The following DSCAM variants were observed in gnomAD, a reference collection of about 807,000 sequenced individuals.
DSCAM encodes the protein cell adhesion molecule DSCAM.
In DSCAM, 47 loss-of-function variants were observed where a neutral mutation model predicts 217.7. The ratio of observed to expected loss-of-function variants is 0.22; its 90% CI spans 0.17 to 0.28. The LOEUF (loss-of-function observed/expected upper bound fraction) is 0.28. Ranked by LOEUF, DSCAM falls within the 10% of genes least tolerant of loss-of-function variation. The pLI, the probability that DSCAM is intolerant of heterozygous loss-of-function variation, is 1.00. For synonymous variants in DSCAM, 1,056 were observed against 1,015.3 expected (o/e 1.04, Z -0.76); for missense variants, 2,080 against 2,618.3 (o/e 0.79, Z 4.49).
At chr21:40,638,037 C>T (rs2089830180) in intron 3 of DSCAM, among the ~76,000 whole-genome samples, 1 of 151,976 alleles carries the variant, frequency 6.6e-6, no homozygotes, top group Non-Finnish European at 1.5e-5. Context: ...ATGATATCAG[C>T]ATTTTAGGCA....
At chr21:40,688,395 T>C (rs1439677747) in intron 3 of DSCAM, among the ~76,000 whole-genome samples, 1 of 152,200 alleles carries the variant, frequency 6.6e-6, no homozygotes, top group African/African-American at 2.4e-5. Context: ...TATTGTTTTT[T>C]TCCAGGATGG....
intron 1 of DSCAM, among the ~76,000 whole-genome samples, chr21:40,744,067 C>T (rs1337572571): frequency 6.6e-6 from 1 of 152,170 alleles, no homozygotes; most frequent in Non-Finnish European, 1.5e-5. Context: ...CTTCTCCAGG[C>T]TTGTATAATG....
Position 40,025,332 on chromosome 21 carries a change from C to G in DSCAM, c.5687-11946G>C, listed in dbSNP as rs1237459558. ...ATCAAGGATATTGGTCTAAAATTAT[C>G]TTTTTTGGTTGTGTCTCTGCCTGGC... On this transcript the variant is annotated intron_variant, in intron 32 of 32. Coordinates refer to ENST00000400454, the MANE Select transcript of DSCAM (RefSeq NM_001389.5). Among the ~76,000 whole-genome samples, 8 of 143,686 alleles carry G rather than the reference C, an allele frequency of 5.6e-5. 1 individual carries two copies. The Admixed American group carries it at 5.6e-4, about 10-fold the overall frequency. 94.3% of individuals were successfully genotyped at this position (143,686 alleles called of 152,430 possible).
chr21:40,150,262 G>T (rs561701079), intron 16 of DSCAM, among the ~76,000 whole-genome samples: 1 of 152,294 alleles, frequency 6.6e-6, no homozygotes, highest in African/African-American at 2.4e-5. Context: ...TCACCCTTTT[G>T]CAAAGTTTGT....
At chr21:40,503,562 C>A (rs1240067090) in intron 3 of DSCAM, among the ~76,000 whole-genome samples, 1 of 152,206 alleles carries the variant, frequency 6.6e-6, no homozygotes, top group Admixed American at 6.5e-5. Context: ...TATCAAGGAG[C>A]TGTCAGATGC....
intron 8 of DSCAM, among the ~76,000 whole-genome samples, chr21:40,325,021 T>C (rs1157175369): frequency 6.6e-6 from 1 of 151,722 alleles, no homozygotes; most frequent in East Asian, 2.0e-4. Flanking sequence ...TGGCTTATTT[T>C]TCCAATTAGT....
rs116579852 is a variant in DSCAM at position 40,424,131 on chromosome 21, A to G, written c.509-54886T>C. Among the ~76,000 whole-genome samples the G allele has an allele frequency of 2.1e-3, 322 of 152,324 alleles. 2 individuals are homozygous for G. Among genetic ancestry groups the G allele is most frequent in the African/African-American group, 7.5e-3 (312 of 41,576 alleles). On this transcript the variant is annotated intron_variant, in intron 3 of 32. Coordinates refer to ENST00000400454, the MANE Select transcript of DSCAM (RefSeq NM_001389.5). The stretch of plus-strand genomic sequence containing the variant: ...GATTTGGAACACTGTTAATTTGCAG[A>G]TAGCCTAGCAGCATGACGTACCTTT...
At chr21:40,577,525 A>C (rs1233913433) in intron 3 of DSCAM, among the ~76,000 whole-genome samples, 1 of 152,096 alleles carries the variant, frequency 6.6e-6, no homozygotes, top group Non-Finnish European at 1.5e-5. Context: ...AGTGGCGTTA[A>C]TATCTTGCTG....
At chr21:40,706,880 C>T (rs559091184) in intron 2 of DSCAM, among the ~76,000 whole-genome samples, 1 of 152,122 alleles carries the variant, frequency 6.6e-6, no homozygotes, top group Non-Finnish European at 1.5e-5. Context: ...CAAACTGATA[C>T]AGTAGTCATC....
chr21:40,533,608 T>TTCAA (rs2076470118), intron 3 of DSCAM, among the ~76,000 whole-genome samples: 1 of 150,270 alleles, frequency 6.7e-6, no homozygotes, highest in African/African-American at 2.5e-5. Context: ...TGTCTGTCCA[T>TTCAA]CCATCCATCC....
rs1157668991 is a variant in DSCAM, at chr21:40,780,443, A to ATATATATATATC, written c.43+66175_43+66176insGATATATATATA. On this transcript the variant is annotated intron_variant, in intron 1 of 32. Coordinates refer to ENST00000400454, the MANE Select transcript of DSCAM (RefSeq NM_001389.5). ...TGTGTGTATATATATATATATATATATATATCTCCTGTTATCCTATTTATG... is the reference window on the plus strand; with the variant it reads ...TGTGTGTATATATATATATATATATATATATATATATCTATATCTCCTGTTATCCTATTTATG... Among the ~76,000 whole-genome samples the ATATATATATATC allele has an allele frequency of 2.2e-4, 32 of 143,530 alleles. No homozygotes were observed. In the South Asian group the frequency reaches 7.0e-3, roughly 32 times the overall value. The allele number at this position is 143,530 out of a possible 152,430, so 94.2% of individuals were successfully genotyped here.
At position 40,580,080 on chromosome 21, in the gene DSCAM, A is replaced by AT. The variant is rs530550322; in HGVS notation, c.508+112729dup. The stretch of plus-strand genomic sequence containing the variant: ...GGAGAATCCAACTTTACCATGTTTA[A>AT]TTTTTTTTTTTTTTTTCCTGAGACA... On this transcript the variant is annotated intron_variant, in intron 3 of 32. Coordinates refer to ENST00000400454, the MANE Select transcript of DSCAM (RefSeq NM_001389.5). Among the ~76,000 whole-genome samples, 521 of 142,336 alleles carry AT rather than the reference A, an allele frequency of 3.7e-3. 1 individual carries two copies. The highest frequency in any genetic ancestry group is 3.8e-3 in the Admixed American group (54 of 14,136). 93.4% of individuals were successfully genotyped at this position (142,336 alleles called of 152,430 possible).
In DSCAM at chr21:40,510,012, T is replaced by C. The variant is rs187586345; in HGVS notation, c.509-140767A>G. Reference sequence around the variant, plus strand: ...GGTGGCACACAACTGTAGTCCCAGCTACTCAGGAGGCTGAGGCAGGAGAAT... The same window carrying C: ...GGTGGCACACAACTGTAGTCCCAGCCACTCAGGAGGCTGAGGCAGGAGAAT... On this transcript the variant is annotated intron_variant, in intron 3 of 32. Coordinates refer to ENST00000400454, the MANE Select transcript of DSCAM (RefSeq NM_001389.5). Among the ~76,000 whole-genome samples, 13 of 152,206 alleles carry C rather than the reference T, an allele frequency of 8.5e-5. No homozygotes were observed. In the East Asian group the frequency reaches 2.5e-3, roughly 29 times the overall value.
chr21:40,131,352 G>C (rs993454493), intron 19 of DSCAM, among the ~76,000 whole-genome samples: 7 of 152,158 alleles, frequency 4.6e-5, no homozygotes, highest in Non-Finnish European at 1.0e-4. Flanking sequence ...CTAAATTATT[G>C]AATTTTTCAT....
intron 21 of DSCAM, 40 bp from the exon 22 acceptor site, chr21:40,087,327 G>C: frequency 6.6e-7 from 1 of 1,518,500 alleles, no homozygotes; most frequent in East Asian, 2.3e-5. Flanking sequence ...TTACTCCACA[G>C]ACGTGTCTAC....
At position 40,372,827 on chromosome 21, in the gene DSCAM, T is replaced by A. The variant is rs567242849; in HGVS notation, c.509-3582A>T. 2.6e-5 allele frequency among the ~76,000 whole-genome samples: 4 copies of A among 152,350 alleles called. No individual in the cohort carries two copies. The East Asian group carries it at 7.7e-4, about 29-fold the overall frequency. ...TAAGAGTAAATAGGTTATGAGCAAG[T>A]AACATAGTGGTTTTCCAACATCAGT... On this transcript the variant is annotated intron_variant, in intron 3 of 32. Coordinates refer to ENST00000400454, the MANE Select transcript of DSCAM (RefSeq NM_001389.5).
intron 4 of DSCAM, among the ~76,000 whole-genome samples, chr21:40,366,820 T>C (rs1407367754): frequency 6.6e-6 from 1 of 152,218 alleles, no homozygotes; most frequent in African/African-American, 2.4e-5. Flanking sequence ...TATATGGGAT[T>C]GAACTGTATG....
At chr21:40,264,392 A>G (rs1488836323) in intron 11 of DSCAM, among the ~76,000 whole-genome samples, 3 of 152,214 alleles carry the variant, frequency 2.0e-5, no homozygotes, top group Non-Finnish European at 4.4e-5. Flanking sequence ...AGATGCAGGG[A>G]TGGCTCCACA....
chr21:40,299,736 C>T (rs564687966), intron 9 of DSCAM, among the ~76,000 whole-genome samples: 2 of 152,092 alleles, frequency 1.3e-5, no homozygotes, highest in African/African-American at 2.4e-5. Context: ...TTCTCATATG[C>T]TCTAAGCATA....
Sources: gnomAD v4.1 joint callset for allele counts (sites outside exome capture counted in the v4.1 genomes callset) on GRCh38, gnomAD v4.1.1 for gene constraint, MANE v1.5 for transcripts, NCBI Gene and HGNC (gene_info 2026-07-23, HGNC 2026-07-21) for gene names.